THBS1: variants seen among roughly 807,000 people sequenced by gnomAD.
THBS1 encodes the protein thrombospondin-1.
Under a neutral mutation model 126.1 loss-of-function variants are expected in THBS1, and 29 were observed. That is an observed-to-expected ratio of 0.23 (90% CI 0.17 to 0.31). The LOEUF (loss-of-function observed/expected upper bound fraction) is 0.31. Among genes scored for constraint, THBS1 ranks in the 10% least tolerant of loss-of-function variants. The pLI is 1.00. For synonymous variants in THBS1, 496 were observed against 577.8 expected, an observed-to-expected ratio of 0.86 and a Z score of 2.03; for missense variants, 1,198 against 1,545.2, an observed-to-expected ratio of 0.78 and a Z score of 3.77.
rs954152 is a variant in THBS1 at position 39,599,000 on chromosome 15, C to T, written c.*3631C>T. ...GCAGTGACACAATCTCGGCTCACTG[C>T]AACCTCTGCCTCCCCGGTTCAAGCA... On this transcript the variant is annotated 3_prime_UTR_variant, in exon 22 of 22. Coordinates refer to ENST00000260356, the MANE Select transcript of THBS1 (RefSeq NM_003246.4). 23,771 of 152,064 alleles carry T rather than the reference C, an allele frequency of 0.16. 2,074 individuals are homozygous for T. The highest frequency in any genetic ancestry group is 0.19 in the African/African-American group (8,011 of 41,440). The allele number at this position is 152,064 out of a possible 1,614,324, so 9.4% of individuals were successfully genotyped here. A position where few individuals can be genotyped will look rare whatever the true frequency, so the allele number is the denominator to read the frequency against.
Position 39,582,407 on chromosome 15 carries a change from G to T in THBS1, c.282G>T (p.Leu94=), listed in dbSNP as rs1890127845. Residue 94 remains leucine (L), a synonymous_variant, in exon 3 of 22, where the codon CTG becomes CTT. Transcript: ENST00000260356. ...AEKGFLLLAS[L]RQMKKTRGTL... ...AGGGTTTCCTCCTTCTGGCATCCCT[G>T]AGGCAGATGAAGAAGACCCGGGGCA... 1.9e-6 allele frequency: 3 copies of T among 1,614,010 alleles called. No individual in the cohort carries two copies. The highest frequency in any genetic ancestry group is 2.5e-6 in the Non-Finnish European group (3 of 1,180,008).
chr15:39,588,613 A>G lies in THBS1; in HGVS notation c.1559A>G (p.Asn520Ser), dbSNP rs757913158. 1 of 1,611,256 alleles carries G rather than the reference A, an allele frequency of 6.2e-7. No individual in the cohort carries two copies. Among genetic ancestry groups the G allele is most frequent in the South Asian group, 1.1e-5 (1 of 90,450 alleles). Residue 520 changes from asparagine to serine, a missense_variant, in exon 10 of 22, where the codon AAC becomes AGC. By Grantham distance (46) the Asn-to-Ser change is conservative. Around this residue, in one of 4 missense-constraint regions of THBS1, gnomAD observed 663 missense variants for 860.1 expected, o/e 0.77. Transcript: ENST00000260356. ...GGVQKRSRLC[N>S]NPTPQFGGKD... ...GTACAGAAACGTAGTCGTCTCTGCA[A>G]CAACCCCACACCCCAGTTTGGAGGC...
At position 39,584,141 on chromosome 15, in the gene THBS1, G is replaced by C; in HGVS notation, c.857G>C (p.Gly286Ala). 6.2e-7 allele frequency: 1 copy of C among 1,614,200 alleles called. No homozygotes were observed. The highest frequency in any genetic ancestry group is 8.5e-7 in the Non-Finnish European group (1 of 1,180,046). ...ELSSMVLELR[G>A]LRTIVTTLQD... ...TCCAGCATGGTCCTGGAACTCAGGG[G>C]CCTGCGCACCATTGTGACCACGCTG... The change falls in exon 5 of 22, where the codon GGC becomes GCC. Residue 286 changes from glycine to alanine, a missense_variant. Transcript: ENST00000260356.
rs199786923 is a variant in THBS1 at position 39,591,339 on chromosome 15, T to A, written c.2402T>A (p.Ile801Asn). Residue 801 changes from isoleucine (I) to asparagine (N), a missense_variant, in exon 15 of 22, where the codon ATT becomes AAT. Ile to Asn is a moderately radical substitution (Grantham distance 149, BLOSUM62 -3). This residue lies in a region of THBS1 where 663 missense variants were observed against 860.1 expected (regional missense o/e 0.77). Coordinates refer to ENST00000260356, the MANE Select transcript of THBS1 (RefSeq NM_003246.4). Reference protein sequence around the residue: ...NGEGDACAADIDGDGILNERD... With the variant: ...NGEGDACAADNDGDGILNERD... The stretch of plus-strand genomic sequence containing the variant: ...GAAGGAGACGCCTGTGCTGCAGACA[T>A]TGATGGAGACGGTAAGGTGCTGCCT... 4.8e-5 allele frequency: 77 copies of A among 1,613,714 alleles called. No individual in the cohort carries two copies. Among genetic ancestry groups the A allele is most frequent in the Middle Eastern group, 1.6e-4 (1 of 6,078 alleles).
Position 39,588,988 on chromosome 15 carries a change from G to A in THBS1, c.1675G>A (p.Gly559Ser), listed in dbSNP as rs138498839. Residue 559 changes from glycine (G) to serine (S), a missense_variant, in exon 11 of 22, where the codon GGC becomes AGC. Gly to Ser is a moderately conservative substitution (Grantham distance 56, BLOSUM62 0). Transcript: ENST00000260356. Reference protein sequence around the residue: ...DGCLSNPCFAGVKCTSYPDGS... With the variant: ...DGCLSNPCFASVKCTSYPDGS... ...ATGCCTGTCCAATCCCTGCTTTGCC[G>A]GCGTGAAGTGTACTAGCTACCCTGA... 52 of 1,614,030 alleles carry A rather than the reference G, an allele frequency of 3.2e-5. No homozygotes were observed. The highest frequency in any genetic ancestry group is 8.9e-5 in the East Asian group (4 of 44,874).
At chr15:39,587,240 T>C in intron 7 of THBS1, 107 bp from the exon 8 acceptor site, 1 of 1,096,262 alleles carries the variant, frequency 9.1e-7, no homozygotes. Flanking sequence ...AAGAAATAAA[T>C]ATATTGCTTT....
chr15:39,588,905 T>A, intron 10 of THBS1, 54 bp from the exon 11 acceptor site: 1 of 1,614,070 alleles, frequency 6.2e-7, no homozygotes, highest in East Asian at 2.2e-5. Context: ...AGCATGGCAG[T>A]ATGGCAGCTT....
chr15:39,592,734 A>G lies in THBS1; in HGVS notation c.2699A>G (p.Asn900Ser), dbSNP rs1244880241. The G allele has an allele frequency of 1.2e-6, 2 of 1,614,062 alleles. No homozygotes were observed. Among genetic ancestry groups the G allele is most frequent in the African/African-American group, 2.7e-5 (2 of 74,916 alleles). Reference protein sequence around the residue: ...KGDACDHDDDNDGIPDDKDNC... With the variant: ...KGDACDHDDDSDGIPDDKDNC... ...GATGCCTGTGACCACGATGATGACA[A>G]CGATGGCATTCCTGATGACAAGGAC... Residue 900 changes from asparagine (N) to serine (S), a missense_variant, in exon 17 of 22, where the codon AAC becomes AGC. By Grantham distance (46) the Asn-to-Ser change is conservative. Around this residue, in one of 4 missense-constraint regions of THBS1, gnomAD observed 255 missense variants for 373.9 expected, o/e 0.68. Transcript: ENST00000260356. This position sits in a 1 kb window ranked among gnomAD's most constrained non-coding sequence, Gnocchi z 4.3.
intron 7 of THBS1, among the ~76,000 whole-genome samples, chr15:39,586,024 C>A (rs1890202079): frequency 1.3e-5 from 2 of 152,184 alleles, no homozygotes; most frequent in Admixed American, 1.3e-4. Context: ...AGAATAGCAG[C>A]AATCTGAGCT....
Position 39,585,809 on chromosome 15 carries a change from A to C in THBS1, c.1120+246A>C, listed in dbSNP as rs150297003. Among the ~76,000 whole-genome samples the C allele has an allele frequency of 2.0e-5, 3 of 152,058 alleles. No homozygotes were observed. The East Asian group carries it at 5.8e-4, about 30-fold the overall frequency. On this transcript the variant is annotated intron_variant, in intron 7 of 21. Coordinates refer to ENST00000260356, the MANE Select transcript of THBS1 (RefSeq NM_003246.4). Reference sequence around the variant, plus strand: ...AGTGAAGATCTTGGTATAGCTCATTAATTCTGATTTTTTGCTTTGAGGAAA... The same window carrying C: ...AGTGAAGATCTTGGTATAGCTCATTCATTCTGATTTTTTGCTTTGAGGAAA...
At chr15:39,581,955 A>G in intron 2 of THBS1, 31 bp downstream of exon 2, 1 of 1,612,186 alleles carries the variant, frequency 6.2e-7, no homozygotes, top group Non-Finnish European at 8.5e-7. Flanking sequence ...TAGGGGAAGG[A>G]GGGACAAGGA....
At chr15:39,587,551 G>A in intron 8 of THBS1, 31 bp downstream of exon 8, 2 of 1,585,742 alleles carry the variant, frequency 1.3e-6, no homozygotes, top group South Asian at 1.1e-5. Context: ...GGGACGTGGA[G>A]AACTGACCTG....
intron 1 of THBS1, 135 bp from the exon 2 acceptor site, chr15:39,581,694 G>C: frequency 1.9e-6 from 1 of 538,338 alleles, no homozygotes; most frequent in Non-Finnish European, 3.3e-6. Flanking sequence ...TAATCCTGTT[G>C]TCCTTCATTT....
Position 39,593,303 on chromosome 15 carries a change from A to C in THBS1, c.2995+76A>C. 2 of 1,611,414 alleles carry C rather than the reference A, an allele frequency of 1.2e-6. No homozygotes were observed. The highest frequency in any genetic ancestry group is 2.2e-5 in the South Asian group (2 of 90,960). On this transcript the variant is annotated intron_variant, in intron 18 of 21. Coordinates refer to ENST00000260356, the MANE Select transcript of THBS1 (RefSeq NM_003246.4). This position sits in a 1 kb window ranked among gnomAD's most constrained non-coding sequence, Gnocchi z 5.9. ...AACAAATATAAAACCTGGCAGTTGT[A>C]CCTATCCCTGTGGGTGCTGAGGATG...
Position 39,589,701 on chromosome 15 carries a change from G to A in THBS1, c.1927-104G>A. The A allele has an allele frequency of 8.1e-7, 1 of 1,238,806 alleles. No homozygotes were observed. The allele number at this position is 1,238,806 out of a possible 1,614,324, so 76.7% of individuals were successfully genotyped here. A position where few individuals can be genotyped will look rare whatever the true frequency, so the allele number is the denominator to read the frequency against. On this transcript the variant is annotated intron_variant, in intron 12 of 21. Coordinates refer to ENST00000260356, the MANE Select transcript of THBS1 (RefSeq NM_003246.4). This position sits in a 1 kb window ranked among gnomAD's most constrained non-coding sequence, Gnocchi z 4.7. The stretch of plus-strand genomic sequence containing the variant: ...AGAGGTAACCCACACTCTTCCAAAT[G>A]GAGCCTCTGTCTACTCAGAGATGAC...
At chr15:39,586,732 TG>T (rs1890214904) in intron 7 of THBS1, 1 of 152,222 alleles carries the variant, frequency 6.6e-6, no homozygotes, top group Non-Finnish European at 1.5e-5. Context: ...CGCGCATTCT[TG>T]GAAGTCTGAG....
At position 39,594,335 on chromosome 15, in the gene THBS1, G is replaced by A; in HGVS notation, c.3400G>A (p.Asp1134Asn). The change falls in exon 21 of 22, where the codon GAC becomes AAC. Residue 1134 changes from aspartate to asparagine, a missense_variant. Asp to Asn is a conservative substitution (Grantham distance 23, BLOSUM62 1). Coordinates refer to ENST00000260356, the MANE Select transcript of THBS1 (RefSeq NM_003246.4). The surrounding 1 kb of genome is among the most constrained non-coding windows in gnomAD (Gnocchi z 4.4). The part of the protein sequence containing the change: ...VMYEGKKIMA[D>N]SGPIYDKTYA... Reference sequence around the variant, plus strand: ...GTATGAAGGGAAGAAAATCATGGCTGACTCAGGACCCATCTATGATAAAAC... The same window carrying A: ...GTATGAAGGGAAGAAAATCATGGCTAACTCAGGACCCATCTATGATAAAAC... The A allele has an allele frequency of 6.2e-7, 1 of 1,614,218 alleles. No homozygotes were observed. Among genetic ancestry groups the A allele is most frequent in the Non-Finnish European group, 8.5e-7 (1 of 1,180,038 alleles).
intron 4 of THBS1, 127 bp downstream of exon 4, chr15:39,583,819 G>A (rs1311743011): frequency 2.4e-6 from 3 of 1,230,096 alleles, no homozygotes; most frequent in African/African-American, 3.0e-5. Context: ...GAGGCATACA[G>A]AAGTGACTCC....
In THBS1 at chr15:39,592,989, T is replaced by G; in HGVS notation, c.2768-11T>G. 1 of 1,612,540 alleles carries G rather than the reference T, an allele frequency of 6.2e-7. No individual in the cohort carries two copies. The highest frequency in any genetic ancestry group is 8.5e-7 in the Non-Finnish European group (1 of 1,179,838). The stretch of plus-strand genomic sequence containing the variant: ...TAGAATTTTGCTGAACTCTTGCTTT[T>G]TTGACCTCAGGCGATGGTCGAGGTG... On this transcript the variant is annotated splice_polypyrimidine_tract_variant and intron_variant, in intron 17 of 21. Coordinates refer to ENST00000260356, the MANE Select transcript of THBS1 (RefSeq NM_003246.4). This position sits in a 1 kb window ranked among gnomAD's most constrained non-coding sequence, Gnocchi z 4.3.
Sources: allele counts gnomAD v4.1 joint callset (sites outside exome capture counted in the v4.1 genomes callset), GRCh38; gene constraint gnomAD v4.1.1; regional missense constraint gnomAD v4.1.1; non-coding constraint Gnocchi (gnomAD v3.1); transcripts MANE v1.5; gene names NCBI Gene and HGNC (gene_info 2026-07-23, HGNC 2026-07-21).